AVEN: variants seen among roughly 807,000 people sequenced by gnomAD.
AVEN encodes the protein cell death regulator Aven.
AVEN carries 41 observed loss-of-function variants against 38.1 expected under a neutral mutation model. That is an observed-to-expected ratio of 1.08 (90% CI 0.84 to 1.40). The LOEUF (loss-of-function observed/expected upper bound fraction) is 1.40, where lower values mean the gene tolerates loss of function less well. Among genes scored for constraint, AVEN ranks in the 40% most tolerant of loss-of-function variants. The pLI is 0.00. For missense variants in AVEN, 605 were observed against 438.8 expected, an observed-to-expected ratio of 1.38 and a Z score of -3.38; for synonymous variants, 206 against 171.8, an observed-to-expected ratio of 1.20 and a Z score of -1.56.
intron 2 of AVEN, among the ~76,000 whole-genome samples, chr15:33,998,130 T>C (rs12050519): frequency 0.21 from 31,804 of 152,058 alleles, 5,127 homozygotes; most frequent in African/African-American, 0.45. Flanking sequence ...CCATATATTC[T>C]GCCTTTCCTC....
intron 2 of AVEN, among the ~76,000 whole-genome samples, chr15:34,068,952 C>T (rs1445462533): frequency 1.3e-5 from 2 of 151,926 alleles, no homozygotes; most frequent in African/African-American, 4.8e-5. Context: ...GCTGGGACTA[C>T]AGGCGCCTGC....
At chr15:33,987,361 A>G (rs976512520) in intron 2 of AVEN, among the ~76,000 whole-genome samples, 1 of 152,226 alleles carries the variant, frequency 6.6e-6, no homozygotes, top group Non-Finnish European at 1.5e-5. Flanking sequence ...ATTTAACAAA[A>G]GGGGAAGGGA....
upstream of AVEN, among the ~76,000 whole-genome samples, chr15:34,043,460 A>G (rs1567485933): frequency 6.6e-6 from 1 of 152,226 alleles, no homozygotes; most frequent in Non-Finnish European, 1.5e-5. Flanking sequence ...GCAAACTGGA[A>G]AACACATAAG....
chr15:33,865,069 A>C (rs975301039), downstream of AVEN: 2 of 1,355,308 alleles, frequency 1.5e-6, no homozygotes, highest in East Asian at 2.3e-5. Context: ...GAACAAAAAC[A>C]AACTGGGTTT....
At chr15:34,022,925 C>T (rs1362667270) in intron 1 of AVEN, among the ~76,000 whole-genome samples, 2 of 152,224 alleles carry the variant, frequency 1.3e-5, no homozygotes, top group Admixed American at 6.5e-5. Context: ...CGGTGGCTCA[C>T]GCCTGTAATC....
intron 1 of AVEN, among the ~76,000 whole-genome samples, chr15:34,006,779 TAGTA>T (rs1897368139): frequency 6.6e-6 from 1 of 151,664 alleles, no homozygotes; most frequent in Non-Finnish European, 1.5e-5. Flanking sequence ...CACAAGAGAG[TAGTA>T]AGAAGTAATA....
intron 5 of AVEN, among the ~76,000 whole-genome samples, chr15:34,056,594 T>C (rs2140836657): frequency 6.6e-6 from 1 of 152,342 alleles, no homozygotes; most frequent in African/African-American, 2.4e-5. Flanking sequence ...ACCTTTTCAA[T>C]CATGCATTTG....
chr15:33,918,217 C>G (rs777795748), intron 2 of AVEN, among the ~76,000 whole-genome samples: 3 of 152,070 alleles, frequency 2.0e-5, no homozygotes, highest in Non-Finnish European at 4.4e-5. Flanking sequence ...AAAGCAAGTG[C>G]TATTGGCAGG....
At chr15:33,930,811 C>G (rs879777508) in intron 2 of AVEN, among the ~76,000 whole-genome samples, 1 of 151,836 alleles carries the variant, frequency 6.6e-6, no homozygotes, top group Non-Finnish European at 1.5e-5. Context: ...AAAAATTAAC[C>G]GGGTGTGGTG....
At chr15:34,010,322 A>T (rs1309823763) in intron 1 of AVEN, among the ~76,000 whole-genome samples, 5 of 152,172 alleles carry the variant, frequency 3.3e-5, no homozygotes, top group Admixed American at 6.5e-5. Context: ...TTTTCTTTCC[A>T]AAATAAATAA....
rs1567482866 is a variant in AVEN at position 34,038,638 on chromosome 15, TCCGCCCGTCCCGCGCAGGCGCCGGCGCCG to T, written c.267+113_267+141del. The stretch of plus-strand genomic sequence containing the variant: ...CACCAGGCGCGCCCCCGCGCCACCA[TCCGCCCGTCCCGCGCAGGCGCCGGCGCCG>T]CCGCCCGTCTGGCGCGCGCCTGGCA... On this transcript the variant is annotated intron_variant, in intron 1 of 5. Transcript: ENST00000306730. The T allele has an allele frequency of 1.1e-4, 73 of 665,472 alleles. 1 individual carries two copies. In the East Asian group the frequency reaches 2.6e-3, roughly 23 times the overall value. 41.2% of individuals were successfully genotyped at this position (665,472 alleles called of 1,614,324 possible).
intron 5 of AVEN, among the ~76,000 whole-genome samples, chr15:34,058,555 A>AACACACAC (rs3027963): frequency 0.27 from 38,827 of 142,974 alleles, 5,833 homozygotes; most frequent in East Asian, 0.41. Context: ...CTTTAATTCT[A>AACACACAC]ACACACACAC....
At chr15:33,953,760 A>C (rs1894839481) in intron 2 of AVEN, among the ~76,000 whole-genome samples, 1 of 152,236 alleles carries the variant, frequency 6.6e-6, no homozygotes. Flanking sequence ...CACCAATAGC[A>C]ATGGCAACAA....
At chr15:33,916,566 G>A (rs1893145262) in intron 2 of AVEN, among the ~76,000 whole-genome samples, 2 of 152,058 alleles carry the variant, frequency 1.3e-5, no homozygotes, top group African/African-American at 4.8e-5. Context: ...ATATACAAAT[G>A]GCCAAAACAC....
rs546512885 is a variant in AVEN, at chr15:34,020,203, C to T, written c.268-16994G>A. 2.7e-3 allele frequency among the ~76,000 whole-genome samples: 415 copies of T among 151,722 alleles called. 2 individuals are homozygous for T. The highest frequency in any genetic ancestry group is 9.6e-3 in the African/African-American group (395 of 41,352). ...GTGGGTGCCTGTAGTCCCAGCTACTCGGGAGGCTGAGGCAGGAGAATGGCG... is the reference window on the plus strand; with the variant it reads ...GTGGGTGCCTGTAGTCCCAGCTACTTGGGAGGCTGAGGCAGGAGAATGGCG... On this transcript the variant is annotated intron_variant, in intron 1 of 5. Coordinates refer to ENST00000306730, the MANE Select transcript of AVEN (RefSeq NM_020371.3).
chr15:34,057,499 T>C (rs1255240640), intron 5 of AVEN, among the ~76,000 whole-genome samples: 1 of 152,184 alleles, frequency 6.6e-6, no homozygotes, highest in Non-Finnish European at 1.5e-5. Context: ...GAACATTCCC[T>C]TGTGTCAGGC....
chr15:33,861,387 GC>G (rs199954831), downstream of AVEN, among the ~76,000 whole-genome samples: 1,374 of 152,098 alleles, frequency 9.0e-3, 17 homozygotes, highest in African/African-American at 0.031. Flanking sequence ...CAAAAGGCCA[GC>G]CCCTCAACCT....
At chr15:33,932,310 ATG>A (rs1182441729) in intron 2 of AVEN, among the ~76,000 whole-genome samples, 3 of 152,204 alleles carry the variant, frequency 2.0e-5, no homozygotes, top group African/African-American at 7.2e-5. Flanking sequence ...AGTGATTCAC[ATG>A]TTAACAAGTC....
chr15:33,949,698 A>G (rs1894658374), intron 2 of AVEN, among the ~76,000 whole-genome samples: 1 of 152,226 alleles, frequency 6.6e-6, no homozygotes, highest in Admixed American at 6.5e-5. Context: ...TCACTGAATT[A>G]TACTCTTAAA....
Sources: gnomAD v4.1 joint callset for allele counts (sites outside exome capture counted in the v4.1 genomes callset) on GRCh38, gnomAD v4.1.1 for gene constraint, MANE v1.5 for transcripts, NCBI Gene and HGNC (gene_info 2026-07-23, HGNC 2026-07-21) for gene names.